The following CHST8 variants were observed in gnomAD, a reference collection of about 807,000 sequenced individuals.
The protein encoded by CHST8 is carbohydrate sulfotransferase 8.
CHST8 carries 10 observed loss-of-function variants against 15.0 expected under a neutral mutation model. The ratio of observed to expected loss-of-function variants is 0.67; its 90% CI spans 0.41 to 1.13. The LOEUF (loss-of-function observed/expected upper bound fraction) is 1.13, where lower values mean the gene tolerates loss of function less well. Among genes scored for constraint, CHST8 ranks in the 50% most tolerant of loss-of-function variants. The pLI is 0.00. For synonymous variants in CHST8, 259 were observed against 256.6 expected, an observed-to-expected ratio of 1.01 and a Z score of -0.09; for missense variants, 634 against 608.2, an observed-to-expected ratio of 1.04 and a Z score of -0.45.
intron 3 of CHST8, among the ~76,000 whole-genome samples, chr19:33,763,831 G>A (rs575889332): frequency 6.6e-6 from 1 of 152,368 alleles, no homozygotes; most frequent in African/African-American, 2.4e-5. Context: ...CCTCAGCCCT[G>A]GGGCAGTGGA....
chr19:33,713,884 T>G lies in CHST8; in HGVS notation c.130+24493T>G, dbSNP rs12608624. Reference sequence around the variant, plus strand: ...ACTGGGGGTTTTGAACCTGCCACTCTTTTGAGCTGCAGAATCCCTGACAGA... The same window carrying G: ...ACTGGGGGTTTTGAACCTGCCACTCGTTTGAGCTGCAGAATCCCTGACAGA... On this transcript the variant is annotated intron_variant, in intron 3 of 4. Coordinates refer to ENST00000650847, the MANE Select transcript of CHST8 (RefSeq NM_001127895.2). Among the ~76,000 whole-genome samples, 642 of 90,684 alleles carry G rather than the reference T, an allele frequency of 7.1e-3. 39 individuals carry two copies. In the East Asian group the frequency reaches 0.16, roughly 23 times the overall value. The allele number at this position is 90,684 out of a possible 152,430, so 59.5% of individuals were successfully genotyped here.
At chr19:33,701,058 G>A (rs1411063634) in intron 3 of CHST8, among the ~76,000 whole-genome samples, 1 of 152,112 alleles carries the variant, frequency 6.6e-6, no homozygotes, top group Non-Finnish European at 1.5e-5. Context: ...ATTGAATTCT[G>A]CTGTTTGAGG....
chr19:33,652,450 T>A (rs4805051), intron 1 of CHST8, among the ~76,000 whole-genome samples: 5 of 146,428 alleles, frequency 3.4e-5, no homozygotes, highest in Non-Finnish European at 7.5e-5. Context: ...ATCTCAGCTC[T>A]CTGCAACCTC....
intron 3 of CHST8, among the ~76,000 whole-genome samples, chr19:33,711,397 G>A (rs993473736): frequency 1.3e-5 from 2 of 152,146 alleles, no homozygotes; most frequent in African/African-American, 4.8e-5. Flanking sequence ...AGAACCTCTG[G>A]CCATTGGTGG....
chr19:33,662,363 C>T (rs1347544012), intron 1 of CHST8, among the ~76,000 whole-genome samples: 1 of 152,206 alleles, frequency 6.6e-6, no homozygotes, highest in Non-Finnish European at 1.5e-5. Context: ...CAGGTGTGAG[C>T]CACTGCACCC....
chr19:33,691,545 T>C (rs1973099245), intron 3 of CHST8, among the ~76,000 whole-genome samples: 1 of 152,124 alleles, frequency 6.6e-6, no homozygotes, highest in East Asian at 1.9e-4. Context: ...CTAATTGTGA[T>C]TCGGTACCAA....
At chr19:33,713,175 C>T (rs984013721) in intron 3 of CHST8, among the ~76,000 whole-genome samples, 5 of 152,206 alleles carry the variant, frequency 3.3e-5, no homozygotes, top group Non-Finnish European at 7.3e-5. Flanking sequence ...TGCTCACTGT[C>T]ATCCCAAGAC....
chr19:33,672,440 C>T (rs549163189), intron 2 of CHST8, among the ~76,000 whole-genome samples: 1 of 152,268 alleles, frequency 6.6e-6, no homozygotes, highest in African/African-American at 2.4e-5. Context: ...TCAAAGTGAT[C>T]CAACTGCCTC....
intron 1 of CHST8, among the ~76,000 whole-genome samples, chr19:33,658,273 G>A (rs1972539641): frequency 6.6e-6 from 1 of 152,210 alleles, no homozygotes. Flanking sequence ...TCGGGAGGCG[G>A]AGATTGCAGT....
chr19:33,691,701 T>C (rs1362961343), intron 3 of CHST8, among the ~76,000 whole-genome samples: 1 of 152,250 alleles, frequency 6.6e-6, no homozygotes, highest in East Asian at 1.9e-4. Flanking sequence ...ACAAAGTGTA[T>C]GTGTCCAGTT....
chr19:33,701,368 A>G (rs2145278148), intron 3 of CHST8, among the ~76,000 whole-genome samples: 1 of 152,334 alleles, frequency 6.6e-6, no homozygotes, highest in Non-Finnish European at 1.5e-5. Context: ...AAAATATGCT[A>G]AATGAAAAAT....
Position 33,667,863 on chromosome 19 carries a change from A to C in CHST8, c.-87+20A>C, listed in dbSNP as rs1445721185. On this transcript the variant is annotated intron_variant, in intron 2 of 4. Transcript: ENST00000650847. The stretch of plus-strand genomic sequence containing the variant: ...GTTCAGGTAATGCACAAAGAAATCT[A>C]TAAATCAAGCTGAGGGAATATTAGA... 1 of 152,230 alleles carries C rather than the reference A, an allele frequency of 6.6e-6. No individual in the cohort carries two copies. Among genetic ancestry groups the C allele is most frequent in the Non-Finnish European group, 1.5e-5 (1 of 68,036 alleles). 9.4% of individuals were successfully genotyped at this position (152,230 alleles called of 1,614,324 possible).
chr19:33,752,677 G>T (rs1433159196), intron 3 of CHST8, among the ~76,000 whole-genome samples: 2 of 152,084 alleles, frequency 1.3e-5, no homozygotes, highest in Non-Finnish European at 2.9e-5. Context: ...AGTGTGTTTG[G>T]ACTCTGATTG....
intron 2 of CHST8, among the ~76,000 whole-genome samples, chr19:33,683,095 C>T (rs1217801387): frequency 1.3e-5 from 2 of 152,148 alleles, no homozygotes; most frequent in Non-Finnish European, 2.9e-5. Context: ...GAATGAGAAC[C>T]AACTCATCAC....
In CHST8 at chr19:33,689,256, C is replaced by A. The variant is rs191031643; in HGVS notation, c.-6C>A. On this transcript the variant is annotated 5_prime_UTR_variant, in exon 3 of 5. Transcript: ENST00000650847. ...ACCCAAGAGGTGACCCCTGAGCCAG[C>A]CCCGGATGACCCTGCGACCTGGAAC... is the stretch of plus-strand genomic sequence containing the variant. 8.5e-5 allele frequency: 134 copies of A among 1,573,382 alleles called. 1 individual carries two copies. The East Asian group carries it at 1.9e-3, about 22-fold the overall frequency.
intron 3 of CHST8, among the ~76,000 whole-genome samples, chr19:33,735,362 AC>A (rs1198314813): frequency 6.6e-6 from 1 of 152,186 alleles, no homozygotes; most frequent in Non-Finnish European, 1.5e-5. Context: ...CGTCAAATGC[AC>A]CCCTGGCAGC....
At chr19:33,763,611 G>A (rs1974777907) in intron 3 of CHST8, among the ~76,000 whole-genome samples, 1 of 152,274 alleles carries the variant, frequency 6.6e-6, no homozygotes, top group Admixed American at 6.5e-5. Context: ...AATGTAAGAA[G>A]TTGGATTTTC....
At chr19:33,748,311 C>T (rs568670589) in intron 3 of CHST8, among the ~76,000 whole-genome samples, 27 of 152,368 alleles carry the variant, frequency 1.8e-4, no homozygotes, top group Middle Eastern at 3.4e-3. Flanking sequence ...CTAATGGGTC[C>T]GAACCTGACC....
intron 3 of CHST8, among the ~76,000 whole-genome samples, chr19:33,702,940 G>A (rs533213591): frequency 6.6e-6 from 1 of 152,358 alleles, no homozygotes; most frequent in Admixed American, 6.5e-5. Context: ...GAAGGCTGGG[G>A]GCTGGGGAGG....
Sources: gnomAD v4.1 joint callset for allele counts (sites outside exome capture counted in the v4.1 genomes callset) on GRCh38, gnomAD v4.1.1 for gene constraint, MANE v1.5 for transcripts, NCBI Gene and HGNC (gene_info 2026-07-23, HGNC 2026-07-21) for gene names.